HECTD2: variants seen among roughly 807,000 people sequenced by gnomAD.
HECTD2 encodes the protein probable E3 ubiquitin-protein ligase HECTD2.
In HECTD2, 35 loss-of-function variants were observed where a neutral mutation model predicts 103.2. The observed-to-expected ratio is 0.34, with a 90% CI of 0.26 to 0.45. The LOEUF (loss-of-function observed/expected upper bound fraction) is 0.45. Among genes scored for constraint, HECTD2 ranks in the 20% least tolerant of loss-of-function variants. The probability of loss-of-function intolerance (pLI) is 1.00; values close to 1 mark genes in which losing one functional copy is unlikely to be tolerated. For missense variants in HECTD2, 596 were observed against 937.4 expected (o/e 0.64, Z 4.76); for synonymous variants, 281 against 329.9 (o/e 0.85, Z 1.61).
chr10:91,437,648 G>GT (rs1172556159), intron 2 of HECTD2, among the ~76,000 whole-genome samples: 213 of 91,718 alleles, frequency 2.3e-3, no homozygotes, highest in Admixed American at 9.4e-3. Flanking sequence ...TGGTTGTTTT[G>GT]TTTTTTTTGT....
At chr10:91,509,136 AG>A (rs909878091) in intron 20 of HECTD2, among the ~76,000 whole-genome samples, 1 of 62,030 alleles carries the variant, frequency 1.6e-5, no homozygotes, top group Non-Finnish European at 2.9e-5. Context: ...GGGTGGGGGG[AG>A]GGGGGAGGGA....
At chr10:91,480,293 A>G (rs1459537197) in intron 6 of HECTD2, among the ~76,000 whole-genome samples, 1 of 152,166 alleles carries the variant, frequency 6.6e-6, no homozygotes, top group Admixed American at 6.5e-5. Flanking sequence ...TAGGTAGGAT[A>G]GGAAAGGACT....
intron 20 of HECTD2, among the ~76,000 whole-genome samples, chr10:91,502,282 T>G (rs1846932954): frequency 6.6e-6 from 1 of 152,212 alleles, no homozygotes; most frequent in Non-Finnish European, 1.5e-5. Flanking sequence ...TAGATATATT[T>G]TATGCCTTTC....
intron 20 of HECTD2, among the ~76,000 whole-genome samples, chr10:91,507,790 C>A (rs1347529947): frequency 1.6e-5 from 2 of 125,210 alleles, no homozygotes; most frequent in Non-Finnish European, 1.6e-5. Flanking sequence ...TCATATGGAA[C>A]CAAAAAAGAG....
At chr10:91,482,753 C>T (rs961434985) in intron 7 of HECTD2, among the ~76,000 whole-genome samples, 1 of 151,990 alleles carries the variant, frequency 6.6e-6, no homozygotes, top group South Asian at 2.1e-4. Context: ...AGCCCTCAGA[C>T]CCAGATCTGT....
rs1217577586 is a variant in HECTD2, at chr10:91,484,639, A to G, written c.954A>G (p.Lys318=). The G allele has an allele frequency of 6.2e-7, 1 of 1,605,484 alleles. No homozygotes were observed. Among genetic ancestry groups the G allele is most frequent in the Non-Finnish European group, 8.5e-7 (1 of 1,177,324 alleles). ...KCSWWIPSAA[K]VLALLNTANN... is the part of the protein sequence containing the mutation. ...CCTGGTGGATTCCATCAGCCGCTAA[A>G]GTGTTGGCTTTACTTAGTAGGTTTT... is the stretch of plus-strand genomic sequence containing the variant. The change falls in exon 9 of 21, where the codon AAA becomes AAG. Residue 318 remains lysine (K), a synonymous_variant. Coordinates refer to ENST00000298068, the MANE Select transcript of HECTD2 (RefSeq NM_182765.6).
intron 2 of HECTD2, among the ~76,000 whole-genome samples, chr10:91,453,734 A>G (rs1844936556): frequency 6.6e-6 from 1 of 152,156 alleles, no homozygotes; most frequent in Admixed American, 6.6e-5. Flanking sequence ...GTCTAAATAA[A>G]AGATATTGTC....
chr10:91,463,051 T>C (rs1246997258), intron 5 of HECTD2: 1 of 152,070 alleles, frequency 6.6e-6, no homozygotes, highest in Non-Finnish European at 1.5e-5. Flanking sequence ...CTAAATACAG[T>C]TGACCCTTGA....
In HECTD2 at chr10:91,410,530, G is replaced by A; in HGVS notation, c.92G>A (p.Arg31His). The change falls in exon 1 of 21, where the codon CGC becomes CAC. Residue 31 changes from arginine (R) to histidine (H), a missense_variant. Physicochemically the swap from Arg to His is conservative, Grantham distance 29 (BLOSUM62 0). Coordinates refer to ENST00000298068, the MANE Select transcript of HECTD2 (RefSeq NM_182765.6). Reference sequence around the variant, plus strand: ...GAGAGGAAAGGGAAGGAGTCAGAGCGCGAGAAGCTGCCGCCCATCGTATCG... The same window carrying A: ...GAGAGGAAAGGGAAGGAGTCAGAGCACGAGAAGCTGCCGCCCATCGTATCG... ...PEERKGKESE[R>H]EKLPPIVSAG... is the part of the protein sequence containing the mutation. 1.4e-6 allele frequency: 2 copies of A among 1,470,012 alleles called. No homozygotes were observed. Among genetic ancestry groups the A allele is most frequent in the East Asian group, 2.9e-5 (1 of 34,458 alleles). The allele number at this position is 1,470,012 out of a possible 1,614,324, so 91.1% of individuals were successfully genotyped here.
intron 5 of HECTD2, among the ~76,000 whole-genome samples, chr10:91,467,983 G>A (rs1260223003): frequency 7.2e-5 from 11 of 152,112 alleles, no homozygotes; most frequent in Middle Eastern, 3.4e-3. Flanking sequence ...CACCACTGCT[G>A]CCAGCTCAAG....
rs1437815183 is a variant in HECTD2 at position 91,410,461 on chromosome 10, C to T, written c.23C>T (p.Pro8Leu). Residue 8 changes from proline (P) to leucine (L), a missense_variant, in exon 1 of 21, where the codon CCC becomes CTC. Pro to Leu is a moderately conservative substitution (Grantham distance 98, BLOSUM62 -3). Transcript: ENST00000298068. Reference protein sequence around the residue: MSEAVRVPSPATPLVVAA... With the variant: MSEAVRVLSPATPLVVAA... Reference sequence around the variant, plus strand: ...GACATGAGTGAGGCGGTTCGGGTACCCTCGCCCGCCACTCCGCTGGTGGTG... The same window carrying T: ...GACATGAGTGAGGCGGTTCGGGTACTCTCGCCCGCCACTCCGCTGGTGGTG... 2.1e-6 allele frequency: 3 copies of T among 1,459,558 alleles called. No homozygotes were observed. Among genetic ancestry groups the T allele is most frequent in the Admixed American group, 2.4e-5 (1 of 41,128 alleles). 90.4% of individuals were successfully genotyped at this position (1,459,558 alleles called of 1,614,324 possible). A position where few individuals can be genotyped will look rare whatever the true frequency, so the allele number is the denominator to read the frequency against.
At chr10:91,491,026 AAAT>A (rs1418470948) in intron 11 of HECTD2, among the ~76,000 whole-genome samples, 171 bp from the exon 12 acceptor site, 35 of 152,170 alleles carry the variant, frequency 2.3e-4, no homozygotes, top group African/African-American at 6.3e-4. Context: ...TTACAAAATG[AAAT>A]AATAATAAGC....
chr10:91,418,058 GA>G (rs1422120514), intron 1 of HECTD2, among the ~76,000 whole-genome samples: 2 of 152,010 alleles, frequency 1.3e-5, no homozygotes, highest in African/African-American at 4.8e-5. Flanking sequence ...GATCGCCAAT[GA>G]ATGTGCCTTT....
chr10:91,461,710 G>A (rs956618928), intron 4 of HECTD2, among the ~76,000 whole-genome samples: 6 of 151,828 alleles, frequency 4.0e-5, no homozygotes, highest in African/African-American at 7.3e-5. Flanking sequence ...CACCACACCC[G>A]GCTAATTTTT....
intron 1 of HECTD2, among the ~76,000 whole-genome samples, chr10:91,417,941 A>G (rs907203420): frequency 1.3e-5 from 2 of 152,180 alleles, no homozygotes; most frequent in African/African-American, 4.8e-5. Context: ...GAATCACCAC[A>G]CTGACTTCCA....
intron 5 of HECTD2, among the ~76,000 whole-genome samples, chr10:91,465,881 T>G (rs974554143): frequency 1.6e-4 from 24 of 152,200 alleles, no homozygotes; most frequent in African/African-American, 5.5e-4. Context: ...TGAGAGGTAT[T>G]GATCTATACT....
intron 14 of HECTD2, among the ~76,000 whole-genome samples, chr10:91,494,055 A>G (rs912360617): frequency 6.6e-6 from 1 of 152,086 alleles, no homozygotes; most frequent in African/African-American, 2.4e-5. Flanking sequence ...CCTATCAGGT[A>G]TATTGTAGAG....
At chr10:91,488,524 A>T (rs577932052) in intron 11 of HECTD2, 62 of 152,248 alleles carry the variant, frequency 4.1e-4, no homozygotes, top group African/African-American at 1.5e-3. Context: ...GTGTTACATG[A>T]TTGCTCACAA....
At chr10:91,465,417 A>G (rs1336394786) in intron 5 of HECTD2, among the ~76,000 whole-genome samples, 1 of 152,124 alleles carries the variant, frequency 6.6e-6, no homozygotes, top group African/African-American at 2.4e-5. Context: ...CACTATGCTT[A>G]TCTTGGTTTC....
Sources: gnomAD v4.1 joint callset for allele counts (sites outside exome capture counted in the v4.1 genomes callset) on GRCh38, gnomAD v4.1.1 for gene constraint, MANE v1.5 for transcripts, NCBI Gene and HGNC (gene_info 2026-07-23, HGNC 2026-07-21) for gene names.